Variants in GALNTL6 observed in about 807,000 individuals in gnomAD.
GALNTL6 encodes the protein polypeptide N-acetylgalactosaminyltransferase like 6.
In GALNTL6, 46 loss-of-function variants were observed where a neutral mutation model predicts 73.7. That is an observed-to-expected ratio of 0.62 (90% CI 0.49 to 0.80). The LOEUF (loss-of-function observed/expected upper bound fraction) is 0.80, where lower values mean the gene tolerates loss of function less well. GALNTL6 is among the 30% of genes least tolerant of loss of function. The probability of loss-of-function intolerance (pLI) is 0.00; values close to 1 mark genes in which losing one functional copy is unlikely to be tolerated. For synonymous variants in GALNTL6, 259 were observed against 263.7 expected (o/e 0.98, Z 0.17); for missense variants, 604 against 755.0 (o/e 0.80, Z 2.34).
At chr4:172,363,540 T>A (rs1742451444) in intron 5 of GALNTL6, among the ~76,000 whole-genome samples, 1 of 152,168 alleles carries the variant, frequency 6.6e-6, no homozygotes, top group Non-Finnish European at 1.5e-5. Context: ...CCCATAACAA[T>A]TGTTGGTTTC....
chr4:172,422,648 ATCT>A (rs1731091136), intron 5 of GALNTL6, among the ~76,000 whole-genome samples: 2 of 151,882 alleles, frequency 1.3e-5, no homozygotes, highest in Admixed American at 1.3e-4. Context: ...TCTAGCTCAG[ATCT>A]TCTCCCAAAA....
intron 2 of GALNTL6, among the ~76,000 whole-genome samples, chr4:172,227,490 G>A (rs1389343681): frequency 6.6e-6 from 1 of 152,094 alleles, no homozygotes; most frequent in Non-Finnish European, 1.5e-5. Flanking sequence ...TGTTTGAGTC[G>A]AAGAGAGAAC....
chr4:172,876,985 A>T (rs1457500327), intron 7 of GALNTL6, among the ~76,000 whole-genome samples: 1 of 152,140 alleles, frequency 6.6e-6, no homozygotes, highest in Non-Finnish European at 1.5e-5. Context: ...CCTGGGGGAA[A>T]CTGTGCCGTT....
chr4:172,002,908 T>C (rs1002391606), intron 2 of GALNTL6, among the ~76,000 whole-genome samples: 1 of 152,162 alleles, frequency 6.6e-6, no homozygotes, highest in East Asian at 1.9e-4. Flanking sequence ...AAACCTTATA[T>C]TGTGAAGTAG....
intron 2 of GALNTL6, among the ~76,000 whole-genome samples, chr4:172,105,775 C>T (rs113597626): frequency 7.9e-5 from 12 of 151,970 alleles, no homozygotes; most frequent in South Asian, 2.1e-4. Context: ...TTTTTTGAGA[C>T]GACAAAAGCA....
At chr4:172,627,536 GT>G (rs796834112) in intron 5 of GALNTL6, among the ~76,000 whole-genome samples, 347 of 137,946 alleles carry the variant, frequency 2.5e-3, no homozygotes, top group African/African-American at 7.7e-3. Context: ...CCTCTTCCTT[GT>G]TTTTTTTTTT....
At chr4:171,877,702 T>C (rs1307634116) in intron 2 of GALNTL6, among the ~76,000 whole-genome samples, 1 of 152,096 alleles carries the variant, frequency 6.6e-6, no homozygotes, top group Non-Finnish European at 1.5e-5. Flanking sequence ...ACTATGTTAA[T>C]ATTGGTGATG....
chr4:172,118,001 G>A (rs370682803), intron 2 of GALNTL6, among the ~76,000 whole-genome samples: 4 of 152,068 alleles, frequency 2.6e-5, no homozygotes, highest in African/African-American at 7.2e-5. Context: ...GGGTTATCTG[G>A]GTGTATCTGT....
At chr4:172,891,237 T>C (rs1746014346) in intron 8 of GALNTL6, among the ~76,000 whole-genome samples, 1 of 152,104 alleles carries the variant, frequency 6.6e-6, no homozygotes, top group South Asian at 2.1e-4. Context: ...ATGGTCTCAA[T>C]TGTGTAGTTG....
intron 2 of GALNTL6, among the ~76,000 whole-genome samples, chr4:171,949,311 G>A (rs1738796537): frequency 6.6e-6 from 1 of 151,948 alleles, no homozygotes; most frequent in South Asian, 2.1e-4. Flanking sequence ...TTTTTACCTG[G>A]GCTCTTTCTT....
intron 2 of GALNTL6, among the ~76,000 whole-genome samples, chr4:172,120,137 T>G (rs553064478): frequency 3.1e-4 from 47 of 152,328 alleles, no homozygotes; most frequent in African/African-American, 1.1e-3. Context: ...ATGGTGTAAG[T>G]CATAATAGAG....
chr4:172,225,081 C>T (rs1359710382), intron 2 of GALNTL6, among the ~76,000 whole-genome samples: 1 of 151,900 alleles, frequency 6.6e-6, no homozygotes, highest in Non-Finnish European at 1.5e-5. Context: ...AAATATATGC[C>T]TCAAGAAGGT....
rs145078216 is a variant in GALNTL6, at chr4:172,341,085, A to T, written c.387-7438A>T. Among the ~76,000 whole-genome samples the T allele has an allele frequency of 2.5e-3, 383 of 152,292 alleles. 2 individuals carry two copies. Among genetic ancestry groups the T allele is most frequent in the African/African-American group, 8.7e-3 (362 of 41,560 alleles). ...ACCATGCCCTGGAATCTCAGGCTAG[A>T]GTGTAAGCAGGGGAAATTGTATCCT... On this transcript the variant is annotated intron_variant, in intron 4 of 12. Coordinates refer to ENST00000506823, the MANE Select transcript of GALNTL6 (RefSeq NM_001034845.3).
intron 2 of GALNTL6, among the ~76,000 whole-genome samples, chr4:172,023,950 C>T (rs1376256001): frequency 6.6e-6 from 1 of 151,568 alleles, no homozygotes; most frequent in Admixed American, 6.6e-5. Context: ...ATTTTTTGTT[C>T]TAAGACACTA....
intron 5 of GALNTL6, among the ~76,000 whole-genome samples, chr4:172,401,111 A>G (rs1744019140): frequency 6.6e-6 from 1 of 152,084 alleles, no homozygotes; most frequent in Non-Finnish European, 1.5e-5. Flanking sequence ...GCAAAGTTTC[A>G]TTATTCCTTG....
chr4:172,735,703 A>G (rs1736419823), intron 5 of GALNTL6, among the ~76,000 whole-genome samples: 1 of 152,078 alleles, frequency 6.6e-6, no homozygotes, highest in South Asian at 2.1e-4. Flanking sequence ...AGCTCCCATA[A>G]TTTCCATTGT....
chr4:172,142,329 C>A (rs968709836), intron 2 of GALNTL6, among the ~76,000 whole-genome samples: 1 of 152,004 alleles, frequency 6.6e-6, no homozygotes, highest in Non-Finnish European at 1.5e-5. Flanking sequence ...ACTTTCTGAT[C>A]TTGCAAAGGT....
chr4:173,001,055 C>A (rs1328107687), intron 10 of GALNTL6, among the ~76,000 whole-genome samples: 1 of 152,120 alleles, frequency 6.6e-6, no homozygotes, highest in Admixed American at 6.5e-5. Flanking sequence ...AGCACACACA[C>A]AAACAGAACA....
chr4:171,905,046 A>G (rs577585653), intron 2 of GALNTL6, among the ~76,000 whole-genome samples: 21 of 152,362 alleles, frequency 1.4e-4, no homozygotes, highest in African/African-American at 4.8e-4. Flanking sequence ...AATCATGCCA[A>G]AATGTAAAGA....
Sources: gnomAD v4.1 joint callset for allele counts (sites outside exome capture counted in the v4.1 genomes callset) on GRCh38, gnomAD v4.1.1 for gene constraint, MANE v1.5 for transcripts, NCBI Gene and HGNC (gene_info 2026-07-23, HGNC 2026-07-21) for gene names.